The following CLEC19A variants were observed in gnomAD, a reference collection of about 807,000 sequenced individuals.
CLEC19A encodes C-type lectin domain containing 19A.
CLEC19A carries 21 observed loss-of-function variants against 26.1 expected under a neutral mutation model. The ratio of observed to expected loss-of-function variants is 0.80; its 90% CI spans 0.57 to 1.16. The LOEUF (loss-of-function observed/expected upper bound fraction) is 1.16. CLEC19A is among the 50% of genes most tolerant of loss of function. The pLI is 0.00. For synonymous variants in CLEC19A, 89 were observed against 88.6 expected (o/e 1.00, Z -0.03); for missense variants, 224 against 227.6 (o/e 0.98, Z 0.10).
intron 1 of CLEC19A, among the ~76,000 whole-genome samples, chr16:19,293,100 T>G (rs913998439): frequency 6.6e-6 from 1 of 152,212 alleles, no homozygotes; most frequent in Non-Finnish European, 1.5e-5. Context: ...TAGACATGAC[T>G]TGAAAATTGA....
chr16:19,298,226 G>A (rs2143009790), intron 1 of CLEC19A, among the ~76,000 whole-genome samples: 1 of 133,338 alleles, frequency 7.5e-6, no homozygotes, highest in African/African-American at 2.8e-5. Flanking sequence ...TGGGCAACAT[G>A]AGCAAAAACT....
intron 1 of CLEC19A, among the ~76,000 whole-genome samples, chr16:19,291,729 G>T (rs1045769680): frequency 1.3e-5 from 2 of 152,198 alleles, no homozygotes; most frequent in African/African-American, 4.8e-5. Context: ...AAGAGGTAAA[G>T]GAGGAGGGGG....
chr16:19,292,708 A>G (rs1321480803), intron 1 of CLEC19A, among the ~76,000 whole-genome samples: 1 of 152,224 alleles, frequency 6.6e-6, no homozygotes, highest in East Asian at 1.9e-4. Flanking sequence ...TCTTCCCTGA[A>G]TAAGTCACTG....
intron 1 of CLEC19A, among the ~76,000 whole-genome samples, chr16:19,289,086 A>G (rs1013200254): frequency 6.6e-6 from 1 of 152,220 alleles, no homozygotes; most frequent in African/African-American, 2.4e-5. Context: ...TGAGGCACAA[A>G]GAGCTGAGTT....
chr16:19,286,062 C>G, intron 1 of CLEC19A, 123 bp downstream of exon 1: 1 of 870,812 alleles, frequency 1.1e-6, no homozygotes, highest in South Asian at 1.5e-5. Flanking sequence ...AGTCTCCTGA[C>G]AGCTTTCCCC....
chr16:19,305,199 TG>T (rs1337453006), intron 3 of CLEC19A: 1 of 152,292 alleles, frequency 6.6e-6, no homozygotes, highest in Admixed American at 6.5e-5. Context: ...TGTACTTCTG[TG>T]GCTGCCACAG....
chr16:19,307,858 T>C (rs551792736), intron 4 of CLEC19A, among the ~76,000 whole-genome samples, 181 bp downstream of exon 4: 1 of 152,248 alleles, frequency 6.6e-6, no homozygotes, highest in East Asian at 1.9e-4. Flanking sequence ...TTCGCCACAA[T>C]GGATATGCTT....
intron 3 of CLEC19A, among the ~76,000 whole-genome samples, chr16:19,306,469 A>AG (rs1278537237): frequency 6.6e-6 from 1 of 152,082 alleles, no homozygotes; most frequent in African/African-American, 2.4e-5. Context: ...AATAGACTTC[A>AG]ACTGGCAAGA....
At chr16:19,293,897 G>A (rs1044184363) in intron 1 of CLEC19A, among the ~76,000 whole-genome samples, 2 of 152,024 alleles carry the variant, frequency 1.3e-5, no homozygotes, top group African/African-American at 4.8e-5. Flanking sequence ...ATTTCTTTGT[G>A]TTACAAACAC....
At chr16:19,307,524 C>G (rs1384731157) in intron 3 of CLEC19A, 21 bp from the exon 4 acceptor site, 4 of 1,547,274 alleles carry the variant, frequency 2.6e-6, no homozygotes, top group Non-Finnish European at 3.5e-6. Context: ...TTCTTTGTCT[C>G]TTTGGGTGGA....
intron 1 of CLEC19A, among the ~76,000 whole-genome samples, chr16:19,289,925 G>A (rs1342703859): frequency 6.6e-6 from 1 of 152,184 alleles, no homozygotes; most frequent in Non-Finnish European, 1.5e-5. Flanking sequence ...CTTTCTTCCA[G>A]CCCGCTGGGA....
intron 1 of CLEC19A, among the ~76,000 whole-genome samples, chr16:19,296,454 T>G (rs1308576888): frequency 2.0e-5 from 3 of 152,206 alleles, no homozygotes; most frequent in Non-Finnish European, 4.4e-5. Context: ...CATTACACAA[T>G]CCATATATCC....
At chr16:19,287,157 A>G (rs1246203054) in intron 1 of CLEC19A, among the ~76,000 whole-genome samples, 4 of 151,844 alleles carry the variant, frequency 2.6e-5, no homozygotes, top group Non-Finnish European at 4.4e-5. Flanking sequence ...TGCGAATATC[A>G]CAGACTGGGG....
chr16:19,304,024 C>T (rs1185329846), intron 2 of CLEC19A, 38 bp from the exon 3 acceptor site: 1 of 1,485,178 alleles, frequency 6.7e-7, no homozygotes, highest in South Asian at 1.2e-5. Context: ...TGAAAAGAGG[C>T]CATGAGGAAT....
At chr16:19,302,111 T>C (rs1189353139) in intron 2 of CLEC19A, among the ~76,000 whole-genome samples, 1 of 152,102 alleles carries the variant, frequency 6.6e-6, no homozygotes, top group Non-Finnish European at 1.5e-5. Flanking sequence ...CCACTTTCCT[T>C]CCTCTTTTTC....
At position 19,285,891 on chromosome 16, in the gene CLEC19A, C is replaced by G. The variant is rs2143008032; in HGVS notation, c.40C>G (p.Leu14Val). ...WTLWAAAFLT[L>V]HSAQAFPQTD... is the part of the protein sequence containing the mutation. ...ACTGTGGGCTGCAGCCTTCCTGACC[C>G]TCCACTCTGCACAGGCCTTTCCACA... Residue 14 changes from leucine (L) to valine (V), a missense_variant, in exon 1 of 5, where the codon CTC (leucine) becomes GTC (valine). Transcript: ENST00000636231. 1 of 1,550,574 alleles carries G rather than the reference C, an allele frequency of 6.4e-7. No individual in the cohort carries two copies. Among genetic ancestry groups the G allele is most frequent in the Non-Finnish European group, 8.7e-7 (1 of 1,147,002 alleles).
intron 1 of CLEC19A, among the ~76,000 whole-genome samples, chr16:19,295,505 G>T (rs557039378): frequency 2.6e-5 from 4 of 152,082 alleles, no homozygotes; most frequent in African/African-American, 9.7e-5. Context: ...ACCCAGCCAG[G>T]ACTCTTGATT....
In CLEC19A at chr16:19,304,042, T is replaced by C. The variant is rs1261216120; in HGVS notation, c.255-20T>C. The C allele has an allele frequency of 6.5e-7, 1 of 1,538,620 alleles. No individual in the cohort carries two copies. The highest frequency in any genetic ancestry group is 8.8e-7 in the Non-Finnish European group (1 of 1,137,006). The stretch of plus-strand genomic sequence containing the variant: ...AAAGAGGCCATGAGGAATCAGCTAC[T>C]ATTATTCTTAAATTCGCAGCTGGGA... On this transcript the variant is annotated intron_variant, in intron 2 of 4. Coordinates refer to ENST00000636231, the MANE Select transcript of CLEC19A (RefSeq NM_001256720.2).
At chr16:19,290,247 G>A (rs914573870) in intron 1 of CLEC19A, among the ~76,000 whole-genome samples, 4 of 152,090 alleles carry the variant, frequency 2.6e-5, no homozygotes, top group Non-Finnish European at 5.9e-5. Context: ...GGCCTCTGAT[G>A]TTGCTAATTG....
Sources: gnomAD v4.1 joint callset for allele counts (sites outside exome capture counted in the v4.1 genomes callset) on GRCh38, gnomAD v4.1.1 for gene constraint, MANE v1.5 for transcripts, NCBI Gene and HGNC (gene_info 2026-07-23, HGNC 2026-07-21) for gene names.